Variants in PDE4D observed in about 807,000 individuals in gnomAD.
PDE4D encodes phosphodiesterase 4D, also known as 3',5'-cyclic-AMP phosphodiesterase 4D.
Under a neutral mutation model 87.4 loss-of-function variants are expected in PDE4D, and 24 were observed. The observed-to-expected ratio is 0.27, with a 90% CI of 0.20 to 0.39. The LOEUF (loss-of-function observed/expected upper bound fraction) is 0.39. PDE4D is among the 10% of genes least tolerant of loss of function. PDE4D has a pLI of 1.00. For missense variants in PDE4D, 714 were observed against 1,041.0 expected (o/e 0.69, Z 4.32); for synonymous variants, 384 against 383.2 (o/e 1.00, Z -0.02).
intron 5 of PDE4D, among the ~76,000 whole-genome samples, chr5:59,178,528 T>C (rs1784246273): frequency 6.6e-6 from 1 of 152,152 alleles, no homozygotes; most frequent in African/African-American, 2.4e-5. Flanking sequence ...TTCTATGAGG[T>C]CTGTCACATA....
chr5:60,100,504 A>G, intron 2 of PDE4D, among the ~76,000 whole-genome samples: 1 of 151,974 alleles, frequency 6.6e-6, no homozygotes, highest in Non-Finnish European at 1.5e-5. Flanking sequence ...GATCTAGAAT[A>G]TTTGCACTGG....
chr5:59,469,241 T>C (rs1802051288), intron 1 of PDE4D, among the ~76,000 whole-genome samples: 1 of 151,970 alleles, frequency 6.6e-6, no homozygotes, highest in African/African-American at 2.4e-5. Context: ...GGCAGGAGAA[T>C]GGCATGAACC....
intron 2 of PDE4D, among the ~76,000 whole-genome samples, chr5:60,085,368 C>T (rs995079806): frequency 6.6e-6 from 1 of 152,150 alleles, no homozygotes; most frequent in Non-Finnish European, 1.5e-5. Context: ...ACAATCATTC[C>T]ACATGATTCT....
intron 2 of PDE4D, among the ~76,000 whole-genome samples, chr5:60,040,628 T>C (rs1421617485): frequency 6.6e-6 from 1 of 152,198 alleles, no homozygotes; most frequent in African/African-American, 2.4e-5. Context: ...TATGAGGTAA[T>C]ATTTTAAAAA....
intron 2 of PDE4D, among the ~76,000 whole-genome samples, chr5:60,163,333 C>G (rs563779157): frequency 3.9e-5 from 6 of 152,134 alleles, no homozygotes; most frequent in African/African-American, 1.4e-4. Flanking sequence ...GAGTCCATTT[C>G]TACATATTTT....
intron 3 of PDE4D, among the ~76,000 whole-genome samples, chr5:59,926,201 AT>A (rs1490519534): frequency 6.6e-6 from 1 of 152,206 alleles, no homozygotes; most frequent in African/African-American, 2.4e-5. Flanking sequence ...CTAGAAATCA[AT>A]AAGAGGAATT....
chr5:60,501,977 C>T (rs899554993), intron 1 of PDE4D, among the ~76,000 whole-genome samples: 6 of 152,204 alleles, frequency 3.9e-5, no homozygotes, highest in African/African-American at 9.6e-5. Context: ...ATGGTAGTTT[C>T]TTTTGCTGTG....
chr5:59,793,993 A>G lies in PDE4D; in HGVS notation c.455+99175T>C, dbSNP rs114084834. Among the ~76,000 whole-genome samples, 665 of 152,314 alleles carry G rather than the reference A, an allele frequency of 4.4e-3. 6 individuals are homozygous for G. The highest frequency in any genetic ancestry group is 0.015 in the African/African-American group (631 of 41,564). ...GGACGTTACCATGTGGTATTTGCCA[A>G]TATGGGACATTGCACTCATGTGTAT... On this transcript the variant is annotated intron_variant, in intron 1 of 14. Coordinates refer to ENST00000340635, the MANE Select transcript of PDE4D (RefSeq NM_001104631.2).
At chr5:58,981,476 AGG>A (rs2153319252) in intron 11 of PDE4D, among the ~76,000 whole-genome samples, 1 of 22,774 alleles carries the variant, frequency 4.4e-5, no homozygotes, top group Admixed American at 5.8e-4. Context: ...ATGTTATATA[AGG>A]GAATAAGAAA....
At chr5:59,736,423 A>T (rs1758071822) in intron 1 of PDE4D, among the ~76,000 whole-genome samples, 1 of 152,182 alleles carries the variant, frequency 6.6e-6, no homozygotes, top group South Asian at 2.1e-4. Flanking sequence ...ACACTCTTAT[A>T]ATCCCAGCAC....
chr5:59,592,886 C>A (rs1023813234), intron 1 of PDE4D, among the ~76,000 whole-genome samples: 1 of 151,940 alleles, frequency 6.6e-6, no homozygotes, highest in Admixed American at 6.6e-5. Context: ...GTAATTTTGA[C>A]CAACGCATGA....
At chr5:59,498,210 T>C (rs932045516) in intron 1 of PDE4D, among the ~76,000 whole-genome samples, 5 of 151,588 alleles carry the variant, frequency 3.3e-5, no homozygotes, top group Non-Finnish European at 7.4e-5. Flanking sequence ...GGATGATCCT[T>C]GTTACCATGA....
intron 1 of PDE4D, among the ~76,000 whole-genome samples, chr5:60,311,242 G>A (rs939978421): frequency 3.3e-5 from 5 of 152,026 alleles, no homozygotes; most frequent in African/African-American, 4.8e-5. Flanking sequence ...GTCTGGTCTC[G>A]AACTCCCAAC....
chr5:59,916,406 C>T (rs932698566), intron 3 of PDE4D, among the ~76,000 whole-genome samples: 1 of 152,042 alleles, frequency 6.6e-6, no homozygotes, highest in African/African-American at 2.4e-5. Context: ...AATTTGCTGC[C>T]AAGTTCATGC....
chr5:59,223,486 G>A (rs928868208), intron 1 of PDE4D, among the ~76,000 whole-genome samples: 1 of 152,128 alleles, frequency 6.6e-6, no homozygotes, highest in African/African-American at 2.4e-5. Flanking sequence ...CCCTCAAGGG[G>A]AGGGGAGGCT....
At chr5:59,726,473 C>G (rs1252105683) in intron 1 of PDE4D, among the ~76,000 whole-genome samples, 1 of 151,948 alleles carries the variant, frequency 6.6e-6, no homozygotes, top group Non-Finnish European at 1.5e-5. Context: ...GAAAAGACAC[C>G]AGAGAGCTTG....
At chr5:59,154,683 C>A (rs561644498) in intron 5 of PDE4D, among the ~76,000 whole-genome samples, 17 of 152,126 alleles carry the variant, frequency 1.1e-4, no homozygotes, top group Non-Finnish European at 2.4e-4. Context: ...GCCAAGAATT[C>A]GAGACCAGCC....
At chr5:59,445,739 T>C (rs1387036644) in intron 1 of PDE4D, among the ~76,000 whole-genome samples, 1 of 152,208 alleles carries the variant, frequency 6.6e-6, no homozygotes. Flanking sequence ...GTTGCTTATA[T>C]AGAATTTATT....
intron 1 of PDE4D, among the ~76,000 whole-genome samples, chr5:59,861,799 CTT>C: frequency 6.6e-6 from 1 of 152,148 alleles, no homozygotes; most frequent in Non-Finnish European, 1.5e-5. Flanking sequence ...GGATGGAAAA[CTT>C]TGTGGATATG....
Sources: allele counts gnomAD v4.1 joint callset (sites outside exome capture counted in the v4.1 genomes callset), GRCh38; gene constraint gnomAD v4.1.1; transcripts MANE v1.5; gene names NCBI Gene and HGNC (gene_info 2026-07-23, HGNC 2026-07-21).